Variants in CAST observed in about 807,000 individuals in gnomAD.
The protein encoded by CAST is calpastatin.
CAST carries 76 observed loss-of-function variants against 119.6 expected under a neutral mutation model. The observed-to-expected ratio is 0.64, with a 90% CI of 0.53 to 0.77. The LOEUF (loss-of-function observed/expected upper bound fraction) is 0.77. Ranked by LOEUF, CAST falls within the 30% of genes least tolerant of loss-of-function variation. The pLI, the probability that CAST is intolerant of heterozygous loss-of-function variation, is 0.00. For missense variants in CAST, 953 were observed against 946.5 expected (o/e 1.01, Z -0.09); for synonymous variants, 319 against 331.6 (o/e 0.96, Z 0.41).
At chr5:96,621,579 G>A (rs1484758144) in intron 1 of CAST, among the ~76,000 whole-genome samples, 1 of 152,138 alleles carries the variant, frequency 6.6e-6, no homozygotes, top group African/African-American at 2.4e-5. Flanking sequence ...CAGATTTTAT[G>A]AGAACTCACT....
chr5:96,018,161 C>A, the CAST span, among the ~76,000 whole-genome samples: 2 of 152,158 alleles, frequency 1.3e-5, no homozygotes, highest in African/African-American at 4.8e-5. Context: ...ATGTAAACAT[C>A]CAACACATGT....
At chr5:96,507,136 G>T in the CAST span, among the ~76,000 whole-genome samples, 1 of 152,088 alleles carries the variant, frequency 6.6e-6, no homozygotes, top group Non-Finnish European at 1.5e-5. Context: ...GTATTGGCCC[G>T]AATGCTCAAG....
chr5:96,345,698 A>C, the CAST span, among the ~76,000 whole-genome samples: 1 of 152,150 alleles, frequency 6.6e-6, no homozygotes, highest in Non-Finnish European at 1.5e-5. Context: ...GAGAATCCAC[A>C]TTTGCTCATG....
intron 1 of CAST, among the ~76,000 whole-genome samples, chr5:96,642,637 A>C (rs1222473499): frequency 6.6e-6 from 1 of 150,408 alleles, no homozygotes; most frequent in Non-Finnish European, 1.5e-5. Flanking sequence ...CACCTCCTGG[A>C]TTCAAGCAAT....
At chr5:96,119,233 A>G in the CAST span, among the ~76,000 whole-genome samples, 1 of 152,180 alleles carries the variant, frequency 6.6e-6, no homozygotes, top group Non-Finnish European at 1.5e-5. Flanking sequence ...GAGACCAGAG[A>G]GGTCACACTT....
At chr5:96,747,267 T>C in intron 17 of CAST, 78 bp from the exon 18 acceptor site, 1 of 775,520 alleles carries the variant, frequency 1.3e-6, no homozygotes, top group Non-Finnish European at 2.2e-6. Flanking sequence ...TATCCTGGAA[T>C]TCCCAGAAAC....
At chr5:96,526,229 G>A (rs922909263), upstream of CAST, among the ~76,000 whole-genome samples, 1 of 152,178 alleles carries the variant, frequency 6.6e-6, no homozygotes, top group Admixed American at 6.5e-5. Flanking sequence ...AAATACATGA[G>A]ACTCCAGGAA....
At chr5:96,501,386 T>TTTG in the CAST span, among the ~76,000 whole-genome samples, 1 of 152,340 alleles carries the variant, frequency 6.6e-6, no homozygotes, top group Admixed American at 6.5e-5. Flanking sequence ...AATCATCTCA[T>TTTG]ACTAGTTAAA....
intron 4 of CAST, among the ~76,000 whole-genome samples, chr5:96,725,182 C>T (rs1759032289): frequency 6.6e-6 from 1 of 152,132 alleles, no homozygotes; most frequent in South Asian, 2.1e-4. Context: ...AACTAGGGAC[C>T]ACTTTTGGCC....
chr5:96,189,195 G>A, the CAST span, among the ~76,000 whole-genome samples: 3,897 of 152,014 alleles, frequency 0.026, 178 homozygotes, highest in African/African-American at 0.09. Flanking sequence ...CCTATATCCC[G>A]CATCTTCATC....
chr5:96,198,056 G>A, the CAST span, among the ~76,000 whole-genome samples: 8 of 152,110 alleles, frequency 5.3e-5, no homozygotes, highest in South Asian at 4.1e-4. Context: ...GAATCACCAC[G>A]CTGGCCCAAC....
chr5:96,533,363 AAAG>A (rs1745727111), intron 1 of CAST, among the ~76,000 whole-genome samples: 1 of 152,168 alleles, frequency 6.6e-6, no homozygotes, highest in Non-Finnish European at 1.5e-5. Flanking sequence ...CAGAGAGAAA[AAAG>A]AAGGCCCACA....
the CAST span, among the ~76,000 whole-genome samples, chr5:96,026,417 C>A: frequency 6.6e-6 from 1 of 152,112 alleles, no homozygotes; most frequent in African/African-American, 2.4e-5. Flanking sequence ...TTCAGAGAGT[C>A]CCCAAATCAA....
chr5:96,328,641 G>T, the CAST span, among the ~76,000 whole-genome samples: 4 of 152,146 alleles, frequency 2.6e-5, no homozygotes, highest in Non-Finnish European at 1.5e-5. Flanking sequence ...CAGACCATCT[G>T]ACTTAAGACT....
chr5:96,019,344 A>G, the CAST span, among the ~76,000 whole-genome samples: 1 of 152,192 alleles, frequency 6.6e-6, no homozygotes, highest in African/African-American at 2.4e-5. Flanking sequence ...TATGATTTCT[A>G]AAAAACTATG....
At chr5:96,709,466 C>T (rs1262188005) in intron 3 of CAST, among the ~76,000 whole-genome samples, 1 of 152,188 alleles carries the variant, frequency 6.6e-6, no homozygotes, top group East Asian at 1.9e-4. Flanking sequence ...TTCTTTAAAG[C>T]TTACCTATCT....
rs113758342 is a variant in CAST at position 96,645,164 on chromosome 5, A to G, written c.61-30375A>G. The stretch of plus-strand genomic sequence containing the variant: ...ACTTTCCTTGTTTTTCATGCCCTTG[A>G]CAGTTGGAGTACATCTAGTATTTTG... On this transcript the variant is annotated intron_variant, in intron 1 of 11. Coordinates refer to the CAST transcript ENST00000505143. Among the ~76,000 whole-genome samples the G allele has an allele frequency of 9.7e-3, 1,478 of 151,922 alleles. 20 individuals carry two copies. Among genetic ancestry groups the G allele is most frequent in the African/African-American group, 0.033 (1,383 of 41,412 alleles).
At chr5:96,246,245 C>G in the CAST span, among the ~76,000 whole-genome samples, 4 of 120,106 alleles carry the variant, frequency 3.3e-5, no homozygotes, top group Non-Finnish European at 6.5e-5. Flanking sequence ...TGCAGTGGCA[C>G]GATCTCGGCT....
At position 96,770,729 on chromosome 5, in the gene CAST, C is replaced by G. The variant is rs1771993998; in HGVS notation, c.2340+127C>G. 5 of 620,800 alleles carry G rather than the reference C, an allele frequency of 8.1e-6. No individual in the cohort carries two copies. The East Asian group carries it at 1.4e-4, about 17-fold the overall frequency. 38.5% of individuals were successfully genotyped at this position (620,800 alleles called of 1,614,324 possible). ...AAAATTTCTTAAAGTACTATCTATCCCATAGCATCGCTTGGTAAAGTAATT... is the reference window on the plus strand; with the variant it reads ...AAAATTTCTTAAAGTACTATCTATCGCATAGCATCGCTTGGTAAAGTAATT... On this transcript the variant is annotated intron_variant, in intron 30 of 31. Transcript: ENST00000675179.
Sources: gnomAD v4.1 joint callset for allele counts (sites outside exome capture counted in the v4.1 genomes callset) on GRCh38, gnomAD v4.1.1 for gene constraint, MANE v1.5 for transcripts, NCBI Gene and HGNC (gene_info 2026-07-23, HGNC 2026-07-21) for gene names.